MIB2: variants seen among roughly 807,000 people sequenced by gnomAD.
MIB2 encodes E3 ubiquitin-protein ligase MIB2.
In MIB2, 78 loss-of-function variants were observed where a neutral mutation model predicts 96.6. That is an observed-to-expected ratio of 0.81 (90% CI 0.67 to 0.97). The LOEUF (loss-of-function observed/expected upper bound fraction) is 0.97. MIB2 is among the 50% of genes least tolerant of loss of function. The pLI, the probability that MIB2 is intolerant of heterozygous loss-of-function variation, is 0.00. For missense variants in MIB2, 1,543 were observed against 1,424.0 expected, an observed-to-expected ratio of 1.08 and a Z score of -1.35; for synonymous variants, 820 against 629.5, an observed-to-expected ratio of 1.30 and a Z score of -4.53.
chr1:1,615,492 G>C (rs1226683766), upstream of MIB2: 1 of 1,526,494 alleles, frequency 6.6e-7, no homozygotes. Flanking sequence ...GGCGGGCCCT[G>C]GGCTCCCGCC....
chr1:1,622,009 C>T (rs1434868485), intron 2 of MIB2, among the ~76,000 whole-genome samples: 1 of 152,274 alleles, frequency 6.6e-6, no homozygotes, highest in Non-Finnish European at 1.5e-5. Context: ...GTCTCCTGAA[C>T]TGGCCTGAGA....
Position 1,626,550 on chromosome 1 carries a change from C to G in MIB2, c.973-100C>G. On this transcript the variant is annotated intron_variant, in intron 8 of 19. Coordinates refer to ENST00000355826, the MANE Select transcript of MIB2 (RefSeq NM_001170687.4). The surrounding 1 kb of genome is among the most constrained non-coding windows in gnomAD (Gnocchi z 5.3). ...GGTCGGGGCCGGGGCCGAGTCAGGC[C>G]TGCCTGTCTCGTGGAGCTCAGCAGG... The G allele has an allele frequency of 9.5e-7, 1 of 1,055,898 alleles. No individual in the cohort carries two copies. The highest frequency in any genetic ancestry group is 3.1e-4 in the Middle Eastern group (1 of 3,230). The allele number at this position is 1,055,898 out of a possible 1,614,324, so 65.4% of individuals were successfully genotyped here.
At chr1:1,616,065 C>T in intron 1 of MIB2, 1 of 984,210 alleles carries the variant, frequency 1.0e-6, no homozygotes, top group Non-Finnish European at 1.2e-6. Context: ...GCGGAGCGGG[C>T]GGGACGGAAA....
chr1:1,624,240 C>T (rs1416365153), intron 4 of MIB2: 4 of 486,422 alleles, frequency 8.2e-6, no homozygotes, highest in Non-Finnish European at 7.4e-6. Flanking sequence ...GAGGCTGCTG[C>T]GCTCTGGTCC....
Position 1,622,152 on chromosome 1 carries a change from G to A in MIB2, c.-22-1279G>A, listed in dbSNP as rs149426028. Among the ~76,000 whole-genome samples, 532 of 152,334 alleles carry A rather than the reference G, an allele frequency of 3.5e-3. 4 individuals are homozygous for A. The highest frequency in any genetic ancestry group is 0.012 in the African/African-American group (509 of 41,572). On this transcript the variant is annotated intron_variant, in intron 2 of 19. Transcript: ENST00000355826. ...CCACCCAGTCTCAGGGGTCCCTCCAGCCTCCTGGGACTGCCGTGTCCCCCA... is the reference window on the plus strand; with the variant it reads ...CCACCCAGTCTCAGGGGTCCCTCCAACCTCCTGGGACTGCCGTGTCCCCCA...
rs1037168472 is a variant in MIB2 at position 1,626,579 on chromosome 1, C to T, written c.973-71C>T. 8 of 1,321,632 alleles carry T rather than the reference C, an allele frequency of 6.1e-6. No individual in the cohort carries two copies. The highest frequency in any genetic ancestry group is 5.0e-5 in the East Asian group (2 of 39,610). 81.9% of individuals were successfully genotyped at this position (1,321,632 alleles called of 1,614,324 possible). ...CTGTCTCGTGGAGCTCAGCAGGTTG[C>T]CCTCCTGTTGCATGAGCCTGGGCAG... On this transcript the variant is annotated intron_variant, in intron 8 of 19. Transcript: ENST00000355826. This position sits in a 1 kb window ranked among gnomAD's most constrained non-coding sequence, Gnocchi z 5.3.
intron 4 of MIB2, 67 bp from the exon 5 acceptor site, chr1:1,624,728 A>G: frequency 6.9e-7 from 1 of 1,447,336 alleles, no homozygotes; most frequent in South Asian, 1.2e-5. Context: ...TCGCTCTCCC[A>G]AGTGGCTCAA....
intron 2 of MIB2, among the ~76,000 whole-genome samples, chr1:1,620,490 C>T (rs568505112): frequency 1.8e-4 from 28 of 152,218 alleles, no homozygotes; most frequent in African/African-American, 6.3e-4. Context: ...CAGCTGTGGC[C>T]GATTCTGGTG....
chr1:1,615,480 G>A, upstream of MIB2: 7 of 1,523,010 alleles, frequency 4.6e-6, no homozygotes, highest in Non-Finnish European at 6.1e-6. Flanking sequence ...CGCTCCGGCG[G>A]GGGCGGGCCC....
chr1:1,628,230 TG>T, intron 14 of MIB2, 42 bp from the exon 15 acceptor site: 1 of 1,612,594 alleles, frequency 6.2e-7, no homozygotes, highest in East Asian at 2.2e-5. Flanking sequence ...CTGTGCTGCC[TG>T]GGGGCAGTCC....
chr1:1,629,445 C>T lies in MIB2; in HGVS notation c.2442C>T (p.Asn814=), dbSNP rs768928576. ...PGPRQTLGTP[N]TVTNLHVGAA... is the part of the protein sequence containing the mutation. ...CCAGGCAAACGCTCGGGACCCCCAA[C>T]ACCGTGACGAACCTGCACGTGGGCG... is the stretch of plus-strand genomic sequence containing the variant. Residue 814 remains asparagine (N), a synonymous_variant, in exon 18 of 20, where the codon AAC becomes AAT. Transcript: ENST00000355826. 1.3e-6 allele frequency: 2 copies of T among 1,529,822 alleles called. No individual in the cohort carries two copies. The highest frequency in any genetic ancestry group is 1.2e-5 in the South Asian group (1 of 83,488). 94.8% of individuals were successfully genotyped at this position (1,529,822 alleles called of 1,614,324 possible).
At chr1:1,615,731 C>G (rs140809077) in intron 1 of MIB2, 98 bp downstream of exon 1, 20,428 of 1,487,032 alleles carry the variant, frequency 0.014, 166 homozygotes, top group Middle Eastern at 0.032. Context: ...TTCCCGCTCC[C>G]GCTGGCCCAG....
In MIB2 at chr1:1,626,851, C is replaced by T. The variant is rs565775802; in HGVS notation, c.1092C>T (p.Val364=). Residue 364 remains valine (V), a synonymous_variant, in exon 10 of 20, where the codon GTC becomes GTT. Coordinates refer to ENST00000355826, the MANE Select transcript of MIB2 (RefSeq NM_001170687.4). This position sits in a 1 kb window ranked among gnomAD's most constrained non-coding sequence, Gnocchi z 5.3. ...CCTCCCCGCAGGCCCTGGGCCGCGTCGGGAAGGTGGTGAAAGTGTTTGGAG... is the reference window on the plus strand; with the variant it reads ...CCTCCCCGCAGGCCCTGGGCCGCGTTGGGAAGGTGGTGAAAGTGTTTGGAG... ...TDDMAPALGR[V]GKVVKVFGDG... 57 of 1,602,844 alleles carry T rather than the reference C, an allele frequency of 3.6e-5. No individual in the cohort carries two copies. Among genetic ancestry groups the T allele is most frequent in the African/African-American group, 1.3e-4 (10 of 75,020 alleles).
chr1:1,621,725 C>T (rs934417096), intron 2 of MIB2, among the ~76,000 whole-genome samples: 2 of 152,316 alleles, frequency 1.3e-5, no homozygotes, highest in East Asian at 3.9e-4. Flanking sequence ...TTGGAGAGGC[C>T]AAGCTGGCCA....
intron 2 of MIB2, chr1:1,616,849 C>T (rs1212187838): frequency 2.2e-6 from 1 of 456,918 alleles, no homozygotes; most frequent in South Asian, 2.6e-5. Flanking sequence ...GCGGCCGCAG[C>T]GCAGGAGCGC....
Position 1,628,085 on chromosome 1 carries a change from G to C in MIB2, c.1747G>C (p.Glu583Gln). The part of the protein sequence containing the change: ...SAGTGASGIV[E>Q]VLTEVPNIDV... ...GGGCACTGGAGCCAGCGGCATTGTC[G>C]AGGTCCTCACGGAGGTGCCAAACAT... Residue 583 changes from glutamate (E) to glutamine (Q), a missense_variant, in exon 14 of 20, where the codon GAG becomes CAG. By Grantham distance (29) the Glu-to-Gln change is conservative. Transcript: ENST00000355826. 3.1e-6 allele frequency: 5 copies of C among 1,613,238 alleles called. No individual in the cohort carries two copies. Among genetic ancestry groups the C allele is most frequent in the Non-Finnish European group, 3.4e-6 (4 of 1,179,990 alleles).
In MIB2 at chr1:1,629,706, T is replaced by G; in HGVS notation, c.2629+2T>G. 1 of 1,589,736 alleles carries G rather than the reference T, an allele frequency of 6.3e-7. No homozygotes were observed. Among genetic ancestry groups the G allele is most frequent in the Non-Finnish European group, 8.6e-7 (1 of 1,168,752 alleles). ...TCGTCAGCAAGAAACTGCGCCCAGG[T>G]GGGTGAGGCTCTGCGCCCCCAACAC... is the stretch of plus-strand genomic sequence containing the variant. On this transcript the variant is annotated splice_donor_variant, in intron 19 of 19. Transcript: ENST00000355826. LOFTEE classifies it high-confidence loss of function.
intron 2 of MIB2, chr1:1,618,243 C>G (rs1210708912): frequency 6.6e-6 from 1 of 152,296 alleles, no homozygotes; most frequent in East Asian, 1.9e-4. Context: ...GGCAGGTGAT[C>G]AGGGTGATCA....
chr1:1,628,975 C>A (rs1453162762), intron 16 of MIB2, 158 bp from the exon 17 acceptor site: 7 of 806,074 alleles, frequency 8.7e-6, no homozygotes, highest in Non-Finnish European at 1.3e-5. Context: ...CCTAGCAGGG[C>A]GCCCCTCCTG....
Sources: allele counts gnomAD v4.1 joint callset (sites outside exome capture counted in the v4.1 genomes callset), GRCh38; gene constraint gnomAD v4.1.1; non-coding constraint Gnocchi (gnomAD v3.1); transcripts MANE v1.5; gene names NCBI Gene and HGNC (gene_info 2026-07-23, HGNC 2026-07-21).